The following MYBPC1 variants were observed in gnomAD, a reference collection of about 807,000 sequenced individuals.
The protein encoded by MYBPC1 is myosin-binding protein C, slow-type.
MYBPC1 carries 52 observed loss-of-function variants against 147.1 expected under a neutral mutation model. That is an observed-to-expected ratio of 0.35 (90% CI 0.28 to 0.45). The LOEUF is 0.45. MYBPC1 is among the 20% of genes least tolerant of loss of function. The probability of loss-of-function intolerance (pLI) is 1.00; values close to 1 mark genes in which losing one functional copy is unlikely to be tolerated. For missense variants in MYBPC1, 1,228 were observed against 1,440.3 expected, an observed-to-expected ratio of 0.85 and a Z score of 2.39; for synonymous variants, 477 against 475.9, an observed-to-expected ratio of 1.00 and a Z score of -0.03.
chr12:101,667,767 G>C lies in MYBPC1; in HGVS notation c.2392G>C (p.Asp798His). The change falls in exon 23 of 32, where the codon GAC (aspartate) becomes CAC (histidine). Residue 798 changes from aspartate to histidine, a missense_variant. Physicochemically the swap from Asp to His is moderately conservative, Grantham distance 81. Around this residue, in one of 2 missense-constraint regions of MYBPC1, gnomAD observed 1,077 missense variants for 1,314.2 expected, o/e 0.82. Coordinates refer to ENST00000361466, the MANE Select transcript of MYBPC1 (RefSeq NM_002465.4). ...DWIVANKDLI[D>H]KTKFTITGLP... ...GATAGTTGCAAACAAAGATCTGATT[G>C]ACAAGACGAAGTTCACCATCACAGG... 6.2e-7 allele frequency: 1 copy of C among 1,614,076 alleles called. No individual in the cohort carries two copies. The highest frequency in any genetic ancestry group is 8.5e-7 in the Non-Finnish European group (1 of 1,180,006).
rs563499886 is a variant in MYBPC1 at position 101,629,391 on chromosome 12, G to C, written c.179-43G>C. 1.3e-5 allele frequency: 18 copies of C among 1,349,658 alleles called. No individual in the cohort carries two copies. In the East Asian group the frequency reaches 3.9e-4, roughly 29 times the overall value. The allele number at this position is 1,349,658 out of a possible 1,614,324, so 83.6% of individuals were successfully genotyped here. A position where few individuals can be genotyped will look rare whatever the true frequency, so the allele number is the denominator to read the frequency against. On this transcript the variant is annotated intron_variant, in intron 5 of 31. Transcript: ENST00000361466. The stretch of plus-strand genomic sequence containing the variant: ...ATCCAGGTAAGACTGCCTAAGAAGA[G>C]CCTGGCCCTGAAATAATCCTTTTCC...
Position 101,627,778 on chromosome 12 carries a change from G to A in MYBPC1, c.152G>A (p.Ser51Asn), listed in dbSNP as rs1279026629. Reference sequence around the variant, plus strand: ...CACACTTTCCTTTCAGGTTTGGGTAGTCGGGCCCTGGAGAGAAAAGATTCA... The same window carrying A: ...CACACTTTCCTTTCAGGTTTGGGTAATCGGGCCCTGGAGAGAAAAGATTCA... ...PPSALPPGLGSRALERKDSDW... is the reference protein window; with the variant it reads ...PPSALPPGLGNRALERKDSDW... The change falls in exon 5 of 32, where the codon AGT becomes AAT. Residue 51 changes from serine to asparagine, a missense_variant. By Grantham distance (46) the Ser-to-Asn change is conservative. This residue lies in a region of MYBPC1 where 151 missense variants were observed against 126.1 expected (regional missense o/e 1.20). Transcript: ENST00000361466. 3 of 1,613,788 alleles carry A rather than the reference G, an allele frequency of 1.9e-6. No homozygotes were observed. Among genetic ancestry groups the A allele is most frequent in the Non-Finnish European group, 2.5e-6 (3 of 1,179,914 alleles).
rs565051366 is a variant in MYBPC1, at chr12:101,658,959, C to T, written c.1768-713C>T. Among the ~76,000 whole-genome samples the T allele has an allele frequency of 3.8e-4, 58 of 151,628 alleles. No homozygotes were observed. The South Asian group carries it at 0.012, about 30-fold the overall frequency. On this transcript the variant is annotated intron_variant, in intron 18 of 31. Transcript: ENST00000361466. ...TCTTTGTATATTGGCTATTGATTGT[C>T]TTATAGAAGATACAACCTGGGAATC...
At chr12:101,660,299 C>T (rs1282270354) in intron 19 of MYBPC1, 2 of 252,658 alleles carry the variant, frequency 7.9e-6, no homozygotes, top group Admixed American at 1.0e-4. Flanking sequence ...TTTTATCAGA[C>T]ACTGAACTAT....
chr12:101,621,039 A>G (rs114955831), intron 3 of MYBPC1, among the ~76,000 whole-genome samples: 292 of 152,288 alleles, frequency 1.9e-3, no homozygotes, highest in African/African-American at 6.9e-3. Context: ...TTCCAACCTG[A>G]ATTATGTGAT....
In MYBPC1 at chr12:101,610,529, C is replaced by T. The variant is rs528361831; in HGVS notation, c.26-3967C>T. ...ATAAGTGTCTTTTCGTAGGTGTGTC[C>T]GAGTAAAAATGATGATCATAATGAT... On this transcript the variant is annotated intron_variant, in intron 1 of 31. Coordinates refer to ENST00000361466, the MANE Select transcript of MYBPC1 (RefSeq NM_002465.4). 2.1e-4 allele frequency among the ~76,000 whole-genome samples: 32 copies of T among 152,030 alleles called. No individual in the cohort carries two copies. In the South Asian group the frequency reaches 3.3e-3, roughly 16 times the overall value.
chr12:101,641,199 A>G (rs1274429272), intron 10 of MYBPC1, among the ~76,000 whole-genome samples: 1 of 152,020 alleles, frequency 6.6e-6, no homozygotes, highest in Non-Finnish European at 1.5e-5. Flanking sequence ...ATCATTCCCT[A>G]ACATGATAGC....
rs1885645050 is a variant in MYBPC1, at chr12:101,615,468, A to T, written c.61+937A>T. On this transcript the variant is annotated intron_variant, in intron 2 of 31. Coordinates refer to ENST00000361466, the MANE Select transcript of MYBPC1 (RefSeq NM_002465.4). The stretch of plus-strand genomic sequence containing the variant: ...CCTAACCCTTCAGAGGGATTCAGAC[A>T]TACCTATCATGTACGTATTGATAGC... Among the ~76,000 whole-genome samples, 2 of 152,176 alleles carry T rather than the reference A, an allele frequency of 1.3e-5. 1 individual carries two copies. Among genetic ancestry groups the T allele is most frequent in the Admixed American group, 1.3e-4 (2 of 15,286 alleles).
intron 30 of MYBPC1, 35 bp from the exon 31 acceptor site, chr12:101,684,347 A>C: frequency 4.1e-6 from 6 of 1,464,424 alleles, no homozygotes; most frequent in Non-Finnish European, 5.7e-6. Flanking sequence ...AATGCTTACG[A>C]CTTCTCTCTC....
intron 28 of MYBPC1, among the ~76,000 whole-genome samples, chr12:101,679,539 A>G (rs940767474): frequency 1.3e-5 from 2 of 152,170 alleles, no homozygotes; most frequent in Non-Finnish European, 2.9e-5. Context: ...AAAAGAAAGG[A>G]GAAGACAATA....
In MYBPC1 at chr12:101,622,417, G is replaced by T. The variant is rs150358062; in HGVS notation, c.104-4455G>T. 2.0e-3 allele frequency among the ~76,000 whole-genome samples: 311 copies of T among 152,266 alleles called. 2 individuals are homozygous for T. The highest frequency in any genetic ancestry group is 7.0e-3 in the African/African-American group (291 of 41,558). The stretch of plus-strand genomic sequence containing the variant: ...TACATTTCCCAATCTAAAAAAAAGT[G>T]CCAGGACTGAAGCAACTTTTAAAAG... On this transcript the variant is annotated intron_variant, in intron 3 of 31. Coordinates refer to ENST00000361466, the MANE Select transcript of MYBPC1 (RefSeq NM_002465.4).
intron 1 of MYBPC1, among the ~76,000 whole-genome samples, chr12:101,601,160 A>G (rs886134721): frequency 1.3e-5 from 2 of 152,234 alleles, no homozygotes; most frequent in African/African-American, 4.8e-5. Context: ...GTGAAAAAGA[A>G]GAAAAGACTT....
At chr12:101,666,694 T>G in intron 22 of MYBPC1, 1 of 1,452,480 alleles carries the variant, frequency 6.9e-7, no homozygotes, top group South Asian at 1.1e-5. Flanking sequence ...GATATTATTC[T>G]GGTGTGAAAG....
At chr12:101,686,168 T>C (rs1951341875), downstream of MYBPC1, 1 of 152,466 alleles carries the variant, frequency 6.6e-6, no homozygotes, top group East Asian at 1.9e-4. Flanking sequence ...AATAAAACAT[T>C]TTTAAAAGTC....
At chr12:101,692,280 A>G in the MYBPC1 span, among the ~76,000 whole-genome samples, 2 of 152,236 alleles carry the variant, frequency 1.3e-5, no homozygotes, top group African/African-American at 4.8e-5. Context: ...AATTTAGTAC[A>G]ATAATTTTTT....
At chr12:101,616,583 T>A (rs543564293) in intron 2 of MYBPC1, among the ~76,000 whole-genome samples, 19 of 152,326 alleles carry the variant, frequency 1.2e-4, no homozygotes, top group Non-Finnish European at 2.5e-4. Context: ...AGATACCATT[T>A]GCAGGTCTAA....
rs1467697414 is a variant in MYBPC1, at chr12:101,620,251, TATACAA to T, written c.103+3012_103+3017del. 2.0e-5 allele frequency among the ~76,000 whole-genome samples: 3 copies of T among 152,244 alleles called. No homozygotes were observed. In the East Asian group the frequency reaches 5.8e-4, roughly 29 times the overall value. ...GAATCATACCAGGAGGCAATGCCTT[TATACAA>T]ATAACGCTGTCCTGGCTTAGAATTC... On this transcript the variant is annotated intron_variant, in intron 3 of 31. Coordinates refer to ENST00000361466, the MANE Select transcript of MYBPC1 (RefSeq NM_002465.4).
intron 25 of MYBPC1, among the ~76,000 whole-genome samples, 199 bp downstream of exon 25, chr12:101,673,821 C>A (rs969145869): frequency 6.6e-6 from 1 of 152,092 alleles, no homozygotes; most frequent in Non-Finnish European, 1.5e-5. Flanking sequence ...GGGAGGCCAA[C>A]GTAGGCGGAT....
chr12:101,666,898 C>G, intron 22 of MYBPC1: 50 of 391,882 alleles, frequency 1.3e-4, no homozygotes, highest in Non-Finnish European at 1.7e-4. Flanking sequence ...CATACATACA[C>G]ACACACACAC....
Sources: allele counts gnomAD v4.1 joint callset (sites outside exome capture counted in the v4.1 genomes callset), GRCh38; gene constraint gnomAD v4.1.1; regional missense constraint gnomAD v4.1.1; transcripts MANE v1.5; gene names NCBI Gene and HGNC (gene_info 2026-07-23, HGNC 2026-07-21).